The following KAZN variants were observed in gnomAD, a reference collection of about 807,000 sequenced individuals.
The protein encoded by KAZN is kazrin.
In KAZN, 40 loss-of-function variants were observed where a neutral mutation model predicts 87.4. The ratio of observed to expected loss-of-function variants is 0.46; its 90% confidence interval spans 0.36 to 0.60. The LOEUF is 0.60. Ranked by LOEUF, KAZN falls within the 20% of genes least tolerant of loss-of-function variation. The pLI, the probability that KAZN is intolerant of heterozygous loss-of-function variation, is 0.00. For missense variants in KAZN, 898 were observed against 1,073.9 expected, an observed-to-expected ratio of 0.84 and a Z score of 2.29; for synonymous variants, 466 against 458.3, an observed-to-expected ratio of 1.02 and a Z score of -0.22.
intron 2 of KAZN, chr1:14,223,222 T>G (rs1442350270): frequency 6.6e-6 from 1 of 152,254 alleles, no homozygotes; most frequent in Non-Finnish European, 1.5e-5. Context: ...TTTGGGGCAC[T>G]GAACACCTGT....
chr1:14,276,163 GTGTGTGTGTGT>G lies in KAZN; in HGVS notation c.249+95572_249+95582del, dbSNP rs1652335365. On this transcript the variant is annotated intron_variant, in intron 2 of 16. Coordinates refer to the KAZN transcript ENST00000636203. Reference sequence around the variant, plus strand: ...GGAGCATAGTGTTCGCTATAAGGGTGTGTGTGTGTGTGTGTGTGTGTGTGTGTGTGTGTGTG... The same window carrying G: ...GGAGCATAGTGTTCGCTATAAGGGTGGTGTGTGTGTGTGTGTGTGTGTGTG... 2.5e-3 allele frequency among the ~76,000 whole-genome samples: 126 copies of G among 49,602 alleles called. 6 individuals carry two copies. Among genetic ancestry groups the G allele is most frequent in the East Asian group, 3.3e-3 (2 of 608 alleles). The allele number at this position is 49,602 out of a possible 152,430, so 32.5% of individuals were successfully genotyped here.
intron 1 of KAZN, among the ~76,000 whole-genome samples, chr1:14,836,698 A>G (rs1170301990): frequency 6.6e-6 from 1 of 152,048 alleles, no homozygotes; most frequent in Non-Finnish European, 1.5e-5. Context: ...CACCCAAGCC[A>G]AGTCCTGCAC....
chr1:14,297,627 A>G (rs2100767656), intron 2 of KAZN, among the ~76,000 whole-genome samples: 1 of 151,638 alleles, frequency 6.6e-6, no homozygotes, highest in South Asian at 2.1e-4. Flanking sequence ...TGTTCTCTCC[A>G]CCATCCACCC....
At chr1:14,168,453 C>A (rs1006164531) in intron 1 of KAZN, among the ~76,000 whole-genome samples, 4 of 147,270 alleles carry the variant, frequency 2.7e-5, no homozygotes, top group African/African-American at 1.0e-4. Context: ...CAAATTGACA[C>A]TTCTCTGCTC....
chr1:14,470,396 G>T (rs1668391346), intron 2 of KAZN, among the ~76,000 whole-genome samples: 1 of 152,112 alleles, frequency 6.6e-6, no homozygotes, highest in Admixed American at 6.5e-5. Flanking sequence ...CAAGAAAGAA[G>T]GCAAGAGGAA....
At chr1:15,095,337 G>A (rs960441760) in intron 10 of KAZN, among the ~76,000 whole-genome samples, 9 of 152,308 alleles carry the variant, frequency 5.9e-5, no homozygotes, top group African/African-American at 1.4e-4. Flanking sequence ...AGGCAGAGCC[G>A]AGGCAGGCAG....
At chr1:14,540,183 C>T (rs1467808867) in intron 2 of KAZN, among the ~76,000 whole-genome samples, 1 of 152,190 alleles carries the variant, frequency 6.6e-6, no homozygotes, top group African/African-American at 2.4e-5. Flanking sequence ...CGTTTCGCAT[C>T]AGTGCTTTGG....
chr1:14,826,944 T>C (rs1024487941), intron 1 of KAZN, among the ~76,000 whole-genome samples: 4 of 152,068 alleles, frequency 2.6e-5, no homozygotes, highest in African/African-American at 9.7e-5. Context: ...TGATGTGGGG[T>C]TAGCCAAGCT....
chr1:15,053,701 T>A (rs980917223), intron 4 of KAZN, among the ~76,000 whole-genome samples: 7 of 152,358 alleles, frequency 4.6e-5, no homozygotes, highest in African/African-American at 1.7e-4. Flanking sequence ...TAAACCTCTC[T>A]GAGTTTTGGT....
At chr1:13,897,608 C>G (rs1639092799) in intron 1 of KAZN, among the ~76,000 whole-genome samples, 1 of 152,152 alleles carries the variant, frequency 6.6e-6, no homozygotes, top group Non-Finnish European at 1.5e-5. Context: ...TCACATCTGC[C>G]TCATTTTCAT....
intron 1 of KAZN, among the ~76,000 whole-genome samples, chr1:14,867,117 T>A: frequency 6.6e-6 from 1 of 152,196 alleles, no homozygotes; most frequent in East Asian, 1.9e-4. Flanking sequence ...CCTCCTCTGC[T>A]ACAATGCTTG....
At chr1:14,965,023 T>C (rs371718400) in intron 2 of KAZN, among the ~76,000 whole-genome samples, 1 of 151,768 alleles carries the variant, frequency 6.6e-6, no homozygotes, top group East Asian at 1.9e-4. Flanking sequence ...AAGACATATA[T>C]ATATATTTTT....
chr1:15,012,171 G>A (rs1669639463), intron 2 of KAZN, among the ~76,000 whole-genome samples: 1 of 152,084 alleles, frequency 6.6e-6, no homozygotes. Flanking sequence ...CTCTCCCAAA[G>A]TCACCCAGCT....
At chr1:15,011,988 T>C (rs1669615839) in intron 2 of KAZN, among the ~76,000 whole-genome samples, 1 of 152,138 alleles carries the variant, frequency 6.6e-6, no homozygotes, top group South Asian at 2.1e-4. Flanking sequence ...AGCCTTTCTG[T>C]ACACCCCCCA....
At chr1:14,685,856 T>G (rs562090346) in intron 1 of KAZN, among the ~76,000 whole-genome samples, 2 of 152,300 alleles carry the variant, frequency 1.3e-5, no homozygotes, top group South Asian at 2.1e-4. Flanking sequence ...CAGCTATGGC[T>G]TCTGTGTGTG....
chr1:14,197,133 A>C (rs1054944330), intron 2 of KAZN, among the ~76,000 whole-genome samples: 1 of 152,008 alleles, frequency 6.6e-6, no homozygotes, highest in Non-Finnish European at 1.5e-5. Flanking sequence ...GGTAGAGATG[A>C]CTTGTTAGTG....
intron 1 of KAZN, among the ~76,000 whole-genome samples, chr1:14,875,957 T>C (rs537190086): frequency 6.6e-6 from 1 of 152,346 alleles, no homozygotes; most frequent in African/African-American, 2.4e-5. Context: ...CTGCAAACTT[T>C]CACAGTTGAC....
chr1:14,094,428 T>C (rs928688477), intron 1 of KAZN, among the ~76,000 whole-genome samples: 4 of 152,304 alleles, frequency 2.6e-5, no homozygotes, highest in African/African-American at 9.6e-5. Context: ...ACTAGTGTGT[T>C]ATTATTTGTG....
chr1:13,910,583 C>G (rs1003597589), intron 1 of KAZN, among the ~76,000 whole-genome samples: 1 of 152,016 alleles, frequency 6.6e-6, no homozygotes, highest in African/African-American at 2.4e-5. Flanking sequence ...TCCCCATTTG[C>G]CTTCTGCCCC....
Sources: gnomAD v4.1 joint callset for allele counts (sites outside exome capture counted in the v4.1 genomes callset) on GRCh38, gnomAD v4.1.1 for gene constraint, MANE v1.5 for transcripts, NCBI Gene and HGNC (gene_info 2026-07-23, HGNC 2026-07-21) for gene names.